The following PTPRD variants were observed in gnomAD, a reference collection of about 807,000 sequenced individuals.
PTPRD encodes receptor-type tyrosine-protein phosphatase delta.
In PTPRD, 34 loss-of-function variants were observed where a neutral mutation model predicts 214.5. The observed-to-expected ratio is 0.16, with a 90% confidence interval of 0.12 to 0.21. The LOEUF is 0.21. Among genes scored for constraint, PTPRD ranks in the 10% least tolerant of loss-of-function variants. The probability of loss-of-function intolerance (pLI) is 1.00; values close to 1 mark genes in which losing one functional copy is unlikely to be tolerated. For missense variants in PTPRD, 2,545 were observed against 2,398.7 expected, an observed-to-expected ratio of 1.06 and a Z score of -1.27; for synonymous variants, 1,128 against 845.7, an observed-to-expected ratio of 1.33 and a Z score of -5.79.
intron 8 of PTPRD, among the ~76,000 whole-genome samples, chr9:9,556,019 C>A (rs1183488753): frequency 3.3e-5 from 5 of 151,996 alleles, no homozygotes; most frequent in African/African-American, 1.2e-4. Context: ...ATGTGGGGGA[C>A]CCCACAGGTA....
At chr9:9,146,170 T>C (rs895638052) in intron 10 of PTPRD, among the ~76,000 whole-genome samples, 4 of 152,242 alleles carry the variant, frequency 2.6e-5, no homozygotes, top group Non-Finnish European at 4.4e-5. Flanking sequence ...CAGAATATCA[T>C]GCCTGTAGAA....
chr9:10,570,490 G>A (rs1215714387), intron 2 of PTPRD, among the ~76,000 whole-genome samples: 1 of 152,128 alleles, frequency 6.6e-6, no homozygotes, highest in East Asian at 1.9e-4. Flanking sequence ...CATATAGTAT[G>A]AGCGGAAGAA....
chr9:9,703,623 A>C (rs955609296), intron 7 of PTPRD, among the ~76,000 whole-genome samples: 1 of 152,096 alleles, frequency 6.6e-6, no homozygotes, highest in Admixed American at 6.6e-5. Context: ...TATTATATAC[A>C]TTTATGTGGC....
chr9:9,868,551 C>A (rs1201144950), intron 5 of PTPRD, among the ~76,000 whole-genome samples: 1 of 151,112 alleles, frequency 6.6e-6, no homozygotes, highest in Non-Finnish European at 1.5e-5. Context: ...TAAAAGCTTT[C>A]TATGTGAATA....
intron 12 of PTPRD, among the ~76,000 whole-genome samples, chr9:8,673,658 T>C (rs2097335184): frequency 6.6e-6 from 1 of 152,218 alleles, no homozygotes; most frequent in African/African-American, 2.4e-5. Flanking sequence ...TTTATCCCTC[T>C]AATTTCTTGA....
chr9:9,482,049 T>G (rs1407141346), intron 8 of PTPRD, among the ~76,000 whole-genome samples: 1 of 152,090 alleles, frequency 6.6e-6, no homozygotes, highest in East Asian at 1.9e-4. Context: ...CTCTGCCACA[T>G]GAATCCCATT....
At chr9:10,140,012 G>A (rs1300642044) in intron 3 of PTPRD, among the ~76,000 whole-genome samples, 1 of 151,922 alleles carries the variant, frequency 6.6e-6, no homozygotes, top group Non-Finnish European at 1.5e-5. Flanking sequence ...AAAACTAGTT[G>A]CAACAAAAAC....
At chr9:8,999,526 G>C (rs1022362225) in intron 11 of PTPRD, among the ~76,000 whole-genome samples, 3 of 152,066 alleles carry the variant, frequency 2.0e-5, no homozygotes, top group Non-Finnish European at 2.9e-5. Context: ...ACTGTGAACA[G>C]AACTTTTATA....
At chr9:10,330,365 T>C (rs2096726607) in intron 3 of PTPRD, among the ~76,000 whole-genome samples, 1 of 151,756 alleles carries the variant, frequency 6.6e-6, no homozygotes, top group South Asian at 2.1e-4. Context: ...AAGTTGCAAA[T>C]TCTCACGGAG....
chr9:8,735,267 C>G (rs1457398468), intron 11 of PTPRD, among the ~76,000 whole-genome samples: 1 of 151,502 alleles, frequency 6.6e-6, no homozygotes, highest in Admixed American at 6.6e-5. Context: ...TCTCAGCCAC[C>G]CAAGTAGCTG....
intron 7 of PTPRD, among the ~76,000 whole-genome samples, chr9:9,628,696 T>G (rs1335932908): frequency 6.6e-6 from 1 of 152,136 alleles, no homozygotes; most frequent in African/African-American, 2.4e-5. Context: ...TTAGTAATCT[T>G]AAGAGGCAAG....
At chr9:9,350,906 G>C (rs1392121125) in intron 9 of PTPRD, among the ~76,000 whole-genome samples, 1 of 152,042 alleles carries the variant, frequency 6.6e-6, no homozygotes, top group South Asian at 2.1e-4. Context: ...AGAGTGTCCA[G>C]TTGTCATCAA....
intron 5 of PTPRD, among the ~76,000 whole-genome samples, chr9:9,881,734 C>T (rs1043022897): frequency 2.0e-5 from 3 of 152,118 alleles, no homozygotes; most frequent in Non-Finnish European, 2.9e-5. Context: ...CTGTGACCTT[C>T]CAGGGTTCTG....
chr9:9,610,152 T>A (rs2094441170), intron 7 of PTPRD, among the ~76,000 whole-genome samples: 1 of 152,132 alleles, frequency 6.6e-6, no homozygotes, highest in Non-Finnish European at 1.5e-5. Flanking sequence ...ACGTTAGGAA[T>A]CTTTCGAAAG....
intron 8 of PTPRD, among the ~76,000 whole-genome samples, chr9:9,522,989 G>A (rs1477535617): frequency 7.2e-5 from 11 of 152,124 alleles, no homozygotes; most frequent in Admixed American, 5.9e-4. Flanking sequence ...AGGAGGCCAT[G>A]TATATAGCAG....
intron 8 of PTPRD, among the ~76,000 whole-genome samples, chr9:9,421,865 T>C (rs1342507814): frequency 6.6e-6 from 1 of 151,952 alleles, no homozygotes; most frequent in Non-Finnish European, 1.5e-5. Flanking sequence ...GAAATGATGC[T>C]CAGAGATAGT....
chr9:8,419,270 T>A (rs2094183733), intron 35 of PTPRD, among the ~76,000 whole-genome samples: 1 of 151,220 alleles, frequency 6.6e-6, no homozygotes, highest in South Asian at 2.1e-4. Flanking sequence ...AACAATATTA[T>A]TAATCAAGCT....
intron 5 of PTPRD, among the ~76,000 whole-genome samples, chr9:9,791,913 G>A (rs1339480328): frequency 6.6e-6 from 1 of 152,016 alleles, no homozygotes; most frequent in Non-Finnish European, 1.5e-5. Context: ...AATGCATCTT[G>A]ATGTACCTTG....
intron 3 of PTPRD, among the ~76,000 whole-genome samples, chr9:10,118,899 T>TAAATAAATAAATA (rs369774094): frequency 2.1e-4 from 30 of 144,904 alleles, no homozygotes; most frequent in Non-Finnish European, 3.5e-4. Context: ...AATAAATAAA[T>TAAATAAATAAATA]AATAATAAAG....
Sources: allele counts gnomAD v4.1 joint callset (sites outside exome capture counted in the v4.1 genomes callset), GRCh38; gene constraint gnomAD v4.1.1; transcripts MANE v1.5; gene names NCBI Gene and HGNC (gene_info 2026-07-23, HGNC 2026-07-21).